C1S: variants seen among roughly 807,000 people sequenced by gnomAD.
The protein encoded by C1S is complement C1s, also known as complement C1s subcomponent.
In C1S, 31 loss-of-function variants were observed where a neutral mutation model predicts 54.0. That is an observed-to-expected ratio of 0.57 (90% CI 0.43 to 0.78). The LOEUF (loss-of-function observed/expected upper bound fraction) is 0.78. Among genes scored for constraint, C1S ranks in the 30% least tolerant of loss-of-function variants. The probability of loss-of-function intolerance (pLI) is 0.00; values close to 1 mark genes in which losing one functional copy is unlikely to be tolerated. For synonymous variants in C1S, 292 were observed against 303.6 expected (o/e 0.96, Z 0.40); for missense variants, 727 against 851.8 (o/e 0.85, Z 1.82).
intron 4 of C1S, among the ~76,000 whole-genome samples, chr12:7,063,745 C>G (rs1947130856): frequency 6.6e-6 from 1 of 152,186 alleles, no homozygotes; most frequent in South Asian, 2.1e-4. Context: ...GCTGCCTAGG[C>G]CGGGCATGGT....
At chr12:7,061,948 A>T in intron 2 of C1S, 31 bp downstream of exon 2, 1 of 1,610,688 alleles carries the variant, frequency 6.2e-7, no homozygotes, top group Non-Finnish European at 8.5e-7. Flanking sequence ...GAGATGACAC[A>T]GACTCCATTC....
At chr12:7,069,030 C>T (rs1321068415) in intron 11 of C1S, among the ~76,000 whole-genome samples, 1 of 152,154 alleles carries the variant, frequency 6.6e-6, no homozygotes, top group East Asian at 1.9e-4. Context: ...TGATTTGTTG[C>T]ATTTATTATC....
chr12:7,070,632 G>A lies in C1S; in HGVS notation c.2048G>A (p.Ser683Asn), dbSNP rs782622622. ...DWIMKTMQEN[S>N]TPRED ...ATAATGAAGACTATGCAGGAAAATA[G>A]CACCCCCCGTGAGGACTAATCCAGA... is the stretch of plus-strand genomic sequence containing the variant. Residue 683 changes from serine to asparagine, a missense_variant, in exon 12 of 12, where the codon AGC becomes AAC. Coordinates refer to ENST00000360817, the MANE Select transcript of C1S (RefSeq NM_001734.5). This position sits in a 1 kb window ranked among gnomAD's most constrained non-coding sequence, Gnocchi z 4.9. 1 of 1,613,966 alleles carries A rather than the reference G, an allele frequency of 6.2e-7. No individual in the cohort carries two copies. The highest frequency in any genetic ancestry group is 8.5e-7 in the Non-Finnish European group (1 of 1,179,992).
At chr12:7,069,703 C>A in intron 11 of C1S, 152 bp from the exon 12 acceptor site, 1 of 747,690 alleles carries the variant, frequency 1.3e-6, no homozygotes, top group Non-Finnish European at 2.4e-6. Context: ...CAGAGTGGGT[C>A]AGGTATTGAG....
chr12:7,063,615 A>G (rs1555161628), intron 4 of C1S, among the ~76,000 whole-genome samples: 6 of 152,226 alleles, frequency 3.9e-5, no homozygotes, highest in Non-Finnish European at 8.8e-5. Flanking sequence ...CATATAAAGC[A>G]ATGAATGTAC....
In C1S at chr12:7,069,937, G is replaced by A. The variant is rs782676892; in HGVS notation, c.1353G>A (p.Trp451Ter). Residue 451 changes from tryptophan to a stop codon, truncating the protein, a stop_gained, in exon 12 of 12, where the codon TGG becomes TGA. Transcript: ENST00000360817. LOFTEE classifies it low-confidence loss of function (END_TRUNC). Reference protein sequence around the residue: ...GSDADIKNFPWQVFFDNPWAG... With the variant: ...GSDADIKNFP Reference sequence around the variant, plus strand: ...ATGCAGATATTAAAAACTTCCCCTGGCAAGTCTTCTTTGACAACCCATGGG... The same window carrying A: ...ATGCAGATATTAAAAACTTCCCCTGACAAGTCTTCTTTGACAACCCATGGG... The A allele has an allele frequency of 1.2e-6, 2 of 1,614,108 alleles. No homozygotes were observed. Among genetic ancestry groups the A allele is most frequent in the Non-Finnish European group, 1.7e-6 (2 of 1,180,024 alleles).
chr12:7,067,382 A>G (rs1159106674), intron 9 of C1S: 1 of 633,192 alleles, frequency 1.6e-6, no homozygotes, highest in African/African-American at 1.8e-5. Context: ...TGTGGCTTCC[A>G]CTGGGCCTTC....
Position 7,062,952 on chromosome 12 carries a change from C to T in C1S, c.276C>T (p.His92=), listed in dbSNP as rs375839665. Residue 92 remains histidine, a synonymous_variant, in exon 4 of 12, where the codon CAC becomes CAT. Transcript: ENST00000360817. ...LCGQRSSNNP[H]SPIVEEFQVP... Reference sequence around the variant, plus strand: ...GACAGAGGAGCAGTAACAATCCCCACTCTCCAATTGTGGAAGAGTTCCAAG... The same window carrying T: ...GACAGAGGAGCAGTAACAATCCCCATTCTCCAATTGTGGAAGAGTTCCAAG... The T allele has an allele frequency of 6.2e-7, 1 of 1,614,086 alleles. No homozygotes were observed. The highest frequency in any genetic ancestry group is 8.5e-7 in the Non-Finnish European group (1 of 1,179,956).
chr12:7,068,545 G>A lies in C1S; in HGVS notation c.1270+15G>A. ...ATGTGTTCCAGGTAAGGAGGGCTGAGGCTTGGGGAGAGATGATAGCCATGG... is the reference window on the plus strand; with the variant it reads ...ATGTGTTCCAGGTAAGGAGGGCTGAAGCTTGGGGAGAGATGATAGCCATGG... On this transcript the variant is annotated intron_variant, in intron 11 of 11. Transcript: ENST00000360817. The A allele has an allele frequency of 1.9e-6, 3 of 1,589,456 alleles. No individual in the cohort carries two copies. The highest frequency in any genetic ancestry group is 2.6e-6 in the Non-Finnish European group (3 of 1,157,640).
At chr12:7,066,058 C>CT in intron 7 of C1S, 88 bp downstream of exon 7, 1 of 1,163,356 alleles carries the variant, frequency 8.6e-7, no homozygotes, top group Non-Finnish European at 1.3e-6. Flanking sequence ...TCCAGGCACA[C>CT]TGGAAGCACC....
At chr12:7,061,223 G>C (rs1368203679) in intron 1 of C1S, 1 of 152,464 alleles carries the variant, frequency 6.6e-6, no homozygotes, top group African/African-American at 2.4e-5. Context: ...TCATTTGGCT[G>C]TCCCTTTTCT....
chr12:7,062,384 TC>T, intron 2 of C1S, 90 bp from the exon 3 acceptor site: 1 of 927,120 alleles, frequency 1.1e-6, no homozygotes, highest in Non-Finnish European at 1.8e-6. Flanking sequence ...CCTCTCTTCT[TC>T]CCCCTTTCTT....
At chr12:7,061,034 A>T (rs1194050783) in intron 1 of C1S, among the ~76,000 whole-genome samples, 157 bp downstream of exon 1, 1 of 152,156 alleles carries the variant, frequency 6.6e-6, no homozygotes, top group Non-Finnish European at 1.5e-5. Flanking sequence ...GGCTCACCCC[A>T]TCCACCCCTA....
In C1S at chr12:7,068,739, T is replaced by A. The variant is rs1309498821; in HGVS notation, c.1270+209T>A. The A allele has an allele frequency of 5.1e-6, 3 of 585,202 alleles. No individual in the cohort carries two copies. The African/African-American group carries it at 5.6e-5, about 11-fold the overall frequency. 36.3% of individuals were successfully genotyped at this position (585,202 alleles called of 1,614,324 possible). A position where few individuals can be genotyped will look rare whatever the true frequency, so the allele number is the denominator to read the frequency against. On this transcript the variant is annotated intron_variant, in intron 11 of 11. Coordinates refer to ENST00000360817, the MANE Select transcript of C1S (RefSeq NM_001734.5). ...TGAAGCCAGGCCAACTGGAAGGAAATAGAAACGTCAGCCAGCGACAGTTGG... is the reference window on the plus strand; with the variant it reads ...TGAAGCCAGGCCAACTGGAAGGAAAAAGAAACGTCAGCCAGCGACAGTTGG...
At chr12:7,069,832 T>C (rs782330963) in intron 11 of C1S, 23 bp from the exon 12 acceptor site, 1 of 1,589,944 alleles carries the variant, frequency 6.3e-7, no homozygotes, top group Middle Eastern at 1.7e-4. Flanking sequence ...CCTCCTTCCC[T>C]GTGTTGTTTT....
rs1555162546 is a variant in C1S at position 7,067,763 on chromosome 12, G to A, written c.1187G>A (p.Gly396Glu). The change falls in exon 10 of 12, where the codon GGA (glycine) becomes GAA (glutamate). Residue 396 changes from glycine to glutamate, a missense_variant. By Grantham distance (98) the Gly-to-Glu change is moderately conservative. This residue lies in a region of C1S where 360 missense variants were observed against 453.6 expected (regional missense o/e 0.79). Transcript: ENST00000360817. Reference protein sequence around the residue: ...CEEPYYYMENGGGGEYHCAGN... With the variant: ...CEEPYYYMENEGGGEYHCAGN... ...GAGCCATATTACTACATGGAAAATG[G>A]AGGAGGTGGTAGGTTTCTTCTACTG... 6.2e-7 allele frequency: 1 copy of A among 1,614,018 alleles called. No individual in the cohort carries two copies. Among genetic ancestry groups the A allele is most frequent in the Non-Finnish European group, 8.5e-7 (1 of 1,179,868 alleles).
Position 7,068,706 on chromosome 12 carries a change from A to G in C1S, c.1270+176A>G, listed in dbSNP as rs888127219. The G allele has an allele frequency of 1.5e-5, 9 of 612,490 alleles. No homozygotes were observed. The Middle Eastern group carries it at 1.1e-3, about 78-fold the overall frequency. The allele number at this position is 612,490 out of a possible 1,614,324, so 37.9% of individuals were successfully genotyped here. On this transcript the variant is annotated intron_variant, in intron 11 of 11. Transcript: ENST00000360817. ...TGCCAGGGCCGTGGGGAACCTCCTC[A>G]GCCGCACTGAAGCCAGGCCAACTGG...
intron 4 of C1S, 70 bp downstream of exon 4, chr12:7,063,137 C>G: frequency 7.3e-7 from 1 of 1,366,452 alleles, no homozygotes; most frequent in Non-Finnish European, 1.0e-6. Context: ...ATCCACTGAG[C>G]AACACATTGA....
At chr12:7,067,953 C>A in intron 10 of C1S, 182 bp downstream of exon 10, 1 of 693,814 alleles carries the variant, frequency 1.4e-6, no homozygotes, top group African/African-American at 1.8e-5. Context: ...TTCAGGGGAG[C>A]ATCAGCCTCA....
Sources: gnomAD v4.1 joint callset for allele counts (sites outside exome capture counted in the v4.1 genomes callset) on GRCh38, gnomAD v4.1.1 for gene constraint, gnomAD v4.1.1 regional missense constraint, Gnocchi (gnomAD v3.1) non-coding constraint, MANE v1.5 for transcripts, NCBI Gene and HGNC (gene_info 2026-07-23, HGNC 2026-07-21) for gene names.